The following CNTN5 variants were observed in gnomAD, a reference collection of about 807,000 sequenced individuals.
CNTN5 encodes contactin-5.
Under a neutral mutation model 129.1 loss-of-function variants are expected in CNTN5, and 77 were observed. That is an observed-to-expected ratio of 0.60 (90% CI 0.50 to 0.72). The LOEUF is 0.72. Among genes scored for constraint, CNTN5 ranks in the 30% least tolerant of loss-of-function variants. The pLI, the probability that CNTN5 is intolerant of heterozygous loss-of-function variation, is 0.00. For missense variants in CNTN5, 1,478 were observed against 1,328.8 expected, an observed-to-expected ratio of 1.11 and a Z score of -1.75; for synonymous variants, 509 against 465.6, an observed-to-expected ratio of 1.09 and a Z score of -1.20.
chr11:100,120,390 C>CT (rs1464570021), intron 13 of CNTN5, among the ~76,000 whole-genome samples: 10 of 151,760 alleles, frequency 6.6e-5, no homozygotes, highest in East Asian at 3.9e-4. Flanking sequence ...CTTAGTGACT[C>CT]TTTTTTTTCC....
chr11:99,063,717 A>G (rs1043477885), intron 1 of CNTN5, among the ~76,000 whole-genome samples: 3 of 152,054 alleles, frequency 2.0e-5, no homozygotes, highest in African/African-American at 7.2e-5. Flanking sequence ...TACAGTATAC[A>G]TTTCTTACTT....
chr11:100,334,911 C>G lies in CNTN5; in HGVS notation c.2731-5552C>G, dbSNP rs543732576. 5.3e-5 allele frequency among the ~76,000 whole-genome samples: 8 copies of G among 151,194 alleles called. No homozygotes were observed. In the South Asian group the frequency reaches 8.3e-4, roughly 16 times the overall value. On this transcript the variant is annotated intron_variant, in intron 21 of 24. Transcript: ENST00000524871. ...CTATATAATCAAACAGCACTGGTTC[C>G]CCAAAAACCTGTTGAAATAAAAAAA...
chr11:99,990,636 T>G (rs551860407), intron 8 of CNTN5, among the ~76,000 whole-genome samples: 7 of 152,274 alleles, frequency 4.6e-5, no homozygotes, highest in Middle Eastern at 3.4e-3. Context: ...TTTATTTACA[T>G]AGCAATCACT....
At chr11:100,284,510 G>T (rs914874629) in intron 18 of CNTN5, among the ~76,000 whole-genome samples, 1 of 152,086 alleles carries the variant, frequency 6.6e-6, no homozygotes, top group African/African-American at 2.4e-5. Flanking sequence ...TTAAAAAGAT[G>T]ACACTCAGGA....
chr11:99,290,805 T>G (rs982625826), intron 1 of CNTN5, among the ~76,000 whole-genome samples: 1 of 151,922 alleles, frequency 6.6e-6, no homozygotes, highest in Non-Finnish European at 1.5e-5. Context: ...CTTCTTCCAG[T>G]AATCACTGAT....
chr11:100,226,389 C>CTA (rs1332722701), intron 16 of CNTN5, among the ~76,000 whole-genome samples: 1 of 152,096 alleles, frequency 6.6e-6, no homozygotes, highest in Non-Finnish European at 1.5e-5. Context: ...TTTTACTGGA[C>CTA]TATAGGGGGT....
intron 6 of CNTN5, among the ~76,000 whole-genome samples, chr11:99,873,755 C>T (rs572913093): frequency 6.6e-6 from 1 of 152,240 alleles, no homozygotes; most frequent in East Asian, 1.9e-4. Context: ...AATATATCTG[C>T]ACTCATGTTT....
At chr11:99,718,217 G>A (rs1262815982) in intron 3 of CNTN5, among the ~76,000 whole-genome samples, 1 of 152,012 alleles carries the variant, frequency 6.6e-6, no homozygotes, top group East Asian at 1.9e-4. Flanking sequence ...TCTATTATGT[G>A]TTCACTAATA....
chr11:99,836,718 A>G (rs1335796475), intron 4 of CNTN5, among the ~76,000 whole-genome samples: 2 of 152,136 alleles, frequency 1.3e-5, no homozygotes, highest in East Asian at 1.9e-4. Context: ...GAATCGCCAC[A>G]CTGTCTTCCA....
intron 9 of CNTN5, among the ~76,000 whole-genome samples, chr11:100,020,750 A>G (rs1466168781): frequency 1.3e-5 from 2 of 152,150 alleles, no homozygotes; most frequent in Non-Finnish European, 2.9e-5. Flanking sequence ...AAATCAACAG[A>G]CAAAAATGAA....
chr11:100,301,981 G>A lies in CNTN5; in HGVS notation c.2620+2585G>A, dbSNP rs1030728387. Among the ~76,000 whole-genome samples the A allele has an allele frequency of 2.5e-4, 38 of 151,554 alleles. 1 individual carries two copies. The highest frequency in any genetic ancestry group is 1.6e-4 in the Non-Finnish European group (11 of 67,732). On this transcript the variant is annotated intron_variant, in intron 20 of 24. Coordinates refer to ENST00000524871, the MANE Select transcript of CNTN5 (RefSeq NM_014361.4). ...GAGCCCAGGAATTTGAGGCTGCAGT[G>A]GGCTATGGCAATGATGGCTTCACTA...
intron 1 of CNTN5, among the ~76,000 whole-genome samples, chr11:99,237,135 A>C (rs929792570): frequency 3.3e-5 from 5 of 152,018 alleles, no homozygotes; most frequent in Admixed American, 6.5e-5. Flanking sequence ...TGTTATTTTC[A>C]ACAGGCAATA....
intron 3 of CNTN5, among the ~76,000 whole-genome samples, chr11:99,716,975 C>T (rs1436903417): frequency 6.6e-6 from 1 of 151,958 alleles, no homozygotes; most frequent in Non-Finnish European, 1.5e-5. Flanking sequence ...ATCAACTATG[C>T]TTTCATTTTC....
chr11:99,677,594 T>A (rs947553429), intron 3 of CNTN5, among the ~76,000 whole-genome samples: 1 of 152,166 alleles, frequency 6.6e-6, no homozygotes, highest in African/African-American at 2.4e-5. Context: ...CTTCTCACTC[T>A]GAAGCTATTA....
chr11:99,722,429 A>T (rs1943203694), intron 3 of CNTN5, among the ~76,000 whole-genome samples: 1 of 152,102 alleles, frequency 6.6e-6, no homozygotes, highest in Non-Finnish European at 1.5e-5. Flanking sequence ...GAGCTAAATG[A>T]TGAGAACTTA....
intron 13 of CNTN5, among the ~76,000 whole-genome samples, chr11:100,087,010 A>C (rs556952490): frequency 2.0e-4 from 30 of 151,824 alleles, no homozygotes; most frequent in Non-Finnish European, 3.8e-4. Context: ...GAAAATAATA[A>C]ATTCAAAAAT....
At chr11:99,845,950 T>C (rs1947679746) in intron 6 of CNTN5, among the ~76,000 whole-genome samples, 1 of 152,128 alleles carries the variant, frequency 6.6e-6, no homozygotes, top group Non-Finnish European at 1.5e-5. Context: ...CTAACTACTA[T>C]AGTCACCATT....
intron 2 of CNTN5, among the ~76,000 whole-genome samples, chr11:99,332,217 A>G (rs1213587740): frequency 1.3e-5 from 2 of 151,968 alleles, no homozygotes; most frequent in African/African-American, 4.8e-5. Context: ...TTATATTTTA[A>G]CCCTATCTGG....
At chr11:99,420,065 T>C (rs75173441) in intron 2 of CNTN5, among the ~76,000 whole-genome samples, 5,837 of 152,096 alleles carry the variant, frequency 0.038, 156 homozygotes, top group Non-Finnish European at 0.052. Context: ...GAAACAGACA[T>C]GTCTAGTGTT....
Sources: allele counts gnomAD v4.1 joint callset (sites outside exome capture counted in the v4.1 genomes callset), GRCh38; gene constraint gnomAD v4.1.1; transcripts MANE v1.5; gene names NCBI Gene and HGNC (gene_info 2026-07-23, HGNC 2026-07-21).